Variants in ATCAY observed in about 807,000 individuals in gnomAD.
ATCAY encodes ATCAY kinesin light chain interacting caytaxin, also known as caytaxin.
A neutral mutation model predicts 47.7 loss-of-function variants in ATCAY; 22 were observed. That is an observed-to-expected ratio of 0.46 (90% CI 0.33 to 0.66). The LOEUF (loss-of-function observed/expected upper bound fraction) is 0.66, where lower values mean the gene tolerates loss of function less well. Ranked by LOEUF, ATCAY falls within the 30% of genes least tolerant of loss-of-function variation. ATCAY has a pLI of 0.02. For synonymous variants in ATCAY, 216 were observed against 207.6 expected (o/e 1.04, Z -0.35); for missense variants, 452 against 515.0 (o/e 0.88, Z 1.18).
intron 12 of ATCAY, among the ~76,000 whole-genome samples, chr19:3,922,383 G>A (rs2039028640): frequency 6.6e-6 from 1 of 152,222 alleles, no homozygotes; most frequent in Non-Finnish European, 1.5e-5. Flanking sequence ...CAGGCAGCAG[G>A]AGCGAGAAGT....
At chr19:3,909,370 C>A in intron 6 of ATCAY, 116 bp from the exon 7 acceptor site, 1 of 1,228,740 alleles carries the variant, frequency 8.1e-7, no homozygotes, top group African/African-American at 1.5e-5. Context: ...AACACCTGGA[C>A]CAGTGGGGCT....
intron 9 of ATCAY, among the ~76,000 whole-genome samples, chr19:3,914,747 G>A (rs2038952311): frequency 6.6e-6 from 1 of 151,802 alleles, no homozygotes; most frequent in South Asian, 2.1e-4. Flanking sequence ...CTTGAACCTG[G>A]GAGGCAGAGG....
intron 8 of ATCAY, among the ~76,000 whole-genome samples, chr19:3,912,460 G>A (rs1318277563): frequency 2.0e-5 from 3 of 152,074 alleles, no homozygotes; most frequent in Non-Finnish European, 2.9e-5. Flanking sequence ...ACAGGCGCCC[G>A]CCACCAGGCC....
At chr19:3,885,918 C>G (rs978384357) in intron 2 of ATCAY, 74 bp downstream of exon 2, 13 of 1,478,492 alleles carry the variant, frequency 8.8e-6, no homozygotes, top group Non-Finnish European at 1.1e-5. Flanking sequence ...AGGAGCGGCC[C>G]GGGTCTCTCT....
chr19:3,887,465 TTTTA>T (rs1161323088), intron 2 of ATCAY, among the ~76,000 whole-genome samples: 6 of 150,408 alleles, frequency 4.0e-5, no homozygotes, highest in African/African-American at 1.5e-4. Flanking sequence ...CTCTATTTTA[TTTTA>T]TTTTTTTTAT....
intron 10 of ATCAY, 70 bp downstream of exon 10, chr19:3,917,847 G>T: frequency 6.4e-7 from 1 of 1,552,294 alleles, no homozygotes. Flanking sequence ...TCTCAGTTAG[G>T]GCAACCCGGT....
In ATCAY at chr19:3,892,073, A is replaced by G. The variant is rs188732811; in HGVS notation, c.77+6229A>G. Among the ~76,000 whole-genome samples the G allele has an allele frequency of 4.7e-3, 716 of 152,132 alleles. 3 individuals carry two copies. The highest frequency in any genetic ancestry group is 0.016 in the African/African-American group (671 of 41,510). ...CCCAGCTAATTTTTGTATTTTTAGC[A>G]GAGATGGGGTTTCACCATATTGGTC... is the stretch of plus-strand genomic sequence containing the variant. On this transcript the variant is annotated intron_variant, in intron 2 of 12. Transcript: ENST00000450849.
Position 3,907,913 on chromosome 19 carries a change from C to T in ATCAY, c.538C>T (p.His180Tyr), listed in dbSNP as rs2038878697. 2 of 1,613,212 alleles carry T rather than the reference C, an allele frequency of 1.2e-6. No homozygotes were observed. Among genetic ancestry groups the T allele is most frequent in the Admixed American group, 1.7e-5 (1 of 59,864 alleles). Reference protein sequence around the residue: ...MIRPYMKVVTHGGYYGEGLNA... With the variant: ...MIRPYMKVVTYGGYYGEGLNA... ...CCGGCCTTACATGAAAGTGGTCACC[C>T]ACGGAGGTGAGACCCGCCCCCCGGT... The change falls in exon 5 of 13, where the codon CAC becomes TAC. Residue 180 changes from histidine to tyrosine, a missense_variant. By Grantham distance (83) the His-to-Tyr change is moderately conservative. Transcript: ENST00000450849. This position sits in a 1 kb window ranked among gnomAD's most constrained non-coding sequence, Gnocchi z 5.1.
intron 2 of ATCAY, among the ~76,000 whole-genome samples, chr19:3,891,602 G>A (rs919871465): frequency 1.3e-5 from 2 of 151,686 alleles, no homozygotes; most frequent in African/African-American, 4.8e-5. Flanking sequence ...GGGATGAGCC[G>A]GGGAAGGAAG....
chr19:3,882,519 T>G (rs2038611201), intron 1 of ATCAY, among the ~76,000 whole-genome samples: 1 of 148,944 alleles, frequency 6.7e-6, no homozygotes, highest in Admixed American at 6.7e-5. Context: ...TTTTAAGAGA[T>G]GGGGACTTGC....
At chr19:3,902,070 T>C (rs2038820504) in intron 2 of ATCAY, among the ~76,000 whole-genome samples, 1 of 152,022 alleles carries the variant, frequency 6.6e-6, no homozygotes, top group African/African-American at 2.4e-5. Flanking sequence ...CCCAACACTT[T>C]GGGAGGCTGA....
chr19:3,910,808 G>A lies in ATCAY; in HGVS notation c.785G>A (p.Arg262Gln), dbSNP rs1382365615. 3.7e-6 allele frequency: 6 copies of A among 1,613,854 alleles called. No homozygotes were observed. Among genetic ancestry groups the A allele is most frequent in the Middle Eastern group, 1.6e-4 (1 of 6,084 alleles). Reference sequence around the variant, plus strand: ...TCCTTTGCGGCCCCACACAGGTTGCGGAAAAACCTGAAGTCCTTGATCATC... The same window carrying A: ...TCCTTTGCGGCCCCACACAGGTTGCAGAAAAACCTGAAGTCCTTGATCATC... ...KCYQMIDRRL[R>Q]KNLKSLIIVH... Residue 262 changes from arginine to glutamine, a missense_variant, in exon 8 of 13, where the codon CGG becomes CAG. Physicochemically the swap from Arg to Gln is conservative, Grantham distance 43 (BLOSUM62 1). Coordinates refer to ENST00000450849, the MANE Select transcript of ATCAY (RefSeq NM_033064.5).
rs200728745 is a variant in ATCAY at position 3,905,696 on chromosome 19, C to A, written c.358+41C>A. ...TCTCTGGGGCCTGCTGGAGCCCACC[C>A]CCCCCACCCCACCTTTCCGTCTCTG... On this transcript the variant is annotated intron_variant, in intron 4 of 12. Transcript: ENST00000450849. The A allele has an allele frequency of 4.0e-5, 62 of 1,539,628 alleles. No individual in the cohort carries two copies. In the African/African-American group the frequency reaches 7.9e-4, roughly 20 times the overall value.
rs2038916602 is a variant in ATCAY at position 3,910,884 on chromosome 19, C to G, written c.861C>G (p.Phe287Leu). The G allele has an allele frequency of 6.2e-7, 1 of 1,613,884 alleles. No individual in the cohort carries two copies. The highest frequency in any genetic ancestry group is 1.3e-5 in the African/African-American group (1 of 74,928). The change falls in exon 8 of 13, where the codon TTC (phenylalanine) becomes TTG (leucine). Residue 287 changes from phenylalanine to leucine, a missense_variant. Phe to Leu is a conservative substitution (Grantham distance 22). Transcript: ENST00000450849. Reference protein sequence around the residue: ...IRTVLAISRPFISVKFINKIQ... With the variant: ...IRTVLAISRPLISVKFINKIQ... Reference sequence around the variant, plus strand: ...CTGTGCTGGCCATCTCTCGCCCTTTCATCAGGTGAGACGGGGAGGCTGCAA... The same window carrying G: ...CTGTGCTGGCCATCTCTCGCCCTTTGATCAGGTGAGACGGGGAGGCTGCAA...
rs368675084 is a variant in ATCAY at position 3,907,749 on chromosome 19, C to T, written c.374C>T (p.Ala125Val). ...CTGCTTCTAGACGACACCCCCGTGGCCACCGCCAAGAACATGCCCGGGGAC... is the reference window on the plus strand; with the variant it reads ...CTGCTTCTAGACGACACCCCCGTGGTCACCGCCAAGAACATGCCCGGGGAC... ...ELEWEDDTPVATAKNMPGDSA... is the reference protein window; with the variant it reads ...ELEWEDDTPVVTAKNMPGDSA... Residue 125 changes from alanine to valine, a missense_variant, in exon 5 of 13, where the codon GCC (alanine) becomes GTC (valine). Physicochemically the swap from Ala to Val is moderately conservative, Grantham distance 64 (BLOSUM62 0). Transcript: ENST00000450849. This position sits in a 1 kb window ranked among gnomAD's most constrained non-coding sequence, Gnocchi z 5.1. 8.6e-5 allele frequency: 139 copies of T among 1,613,884 alleles called. 1 individual carries two copies. The highest frequency in any genetic ancestry group is 2.5e-4 in the Admixed American group (15 of 59,986).
intron 1 of ATCAY, among the ~76,000 whole-genome samples, chr19:3,884,560 G>A (rs1010744067): frequency 1.3e-5 from 2 of 152,126 alleles, no homozygotes; most frequent in African/African-American, 2.4e-5. Context: ...ATGAATGACT[G>A]TTTGGATTTC....
At chr19:3,895,152 G>A (rs1375998552) in intron 2 of ATCAY, 5 of 455,926 alleles carry the variant, frequency 1.1e-5, no homozygotes, top group African/African-American at 8.0e-5. Flanking sequence ...CACAATCCTG[G>A]GAACCACCAA....
intron 10 of ATCAY, among the ~76,000 whole-genome samples, chr19:3,918,314 G>A (rs527528152): frequency 1.3e-5 from 2 of 152,080 alleles, no homozygotes; most frequent in African/African-American, 4.8e-5. Flanking sequence ...GAACCTGGGA[G>A]GCGGAGGTTG....
chr19:3,903,149 G>A (rs1568447777), intron 3 of ATCAY, among the ~76,000 whole-genome samples: 2 of 151,946 alleles, frequency 1.3e-5, no homozygotes, highest in South Asian at 4.2e-4. Context: ...AATTTTGGTA[G>A]TTTTTGTAGA....
Sources: allele counts gnomAD v4.1 joint callset (sites outside exome capture counted in the v4.1 genomes callset), GRCh38; gene constraint gnomAD v4.1.1; non-coding constraint Gnocchi (gnomAD v3.1); transcripts MANE v1.5; gene names NCBI Gene and HGNC (gene_info 2026-07-23, HGNC 2026-07-21).